Variants in NALF1 observed in about 807,000 individuals in gnomAD.
NALF1 encodes the protein NALCN channel auxiliary factor 1.
In NALF1, 3 loss-of-function variants were observed where a neutral mutation model predicts 48.4. The ratio of observed to expected loss-of-function variants is 0.06; its 90% CI spans 0.03 to 0.16. NALF1 has a LOEUF of 0.16. NALF1 is among the 10% of genes least tolerant of loss of function. The pLI, the probability that NALF1 is intolerant of heterozygous loss-of-function variation, is 1.00. For synonymous variants in NALF1, 262 were observed against 245.7 expected (o/e 1.07, Z -0.62); for missense variants, 526 against 571.5 (o/e 0.92, Z 0.81).
chr13:107,638,734 C>T (rs533878785), intron 1 of NALF1, among the ~76,000 whole-genome samples: 1 of 152,230 alleles, frequency 6.6e-6, no homozygotes, highest in South Asian at 2.1e-4. Context: ...ATTCAGAAGA[C>T]AGCTATCTGA....
chr13:107,384,312 A>C (rs1293729360), intron 1 of NALF1, among the ~76,000 whole-genome samples: 4 of 152,280 alleles, frequency 2.6e-5, no homozygotes, highest in African/African-American at 9.6e-5. Context: ...CCTGCTCTGT[A>C]TTAGAACAAG....
At chr13:107,547,506 TA>T (rs1877166346) in intron 1 of NALF1, among the ~76,000 whole-genome samples, 1 of 152,226 alleles carries the variant, frequency 6.6e-6, no homozygotes, top group African/African-American at 2.4e-5. Context: ...CTCTGTAAAG[TA>T]CTTTTCATGG....
chr13:107,449,474 G>T (rs181104914), intron 1 of NALF1, among the ~76,000 whole-genome samples: 129 of 152,258 alleles, frequency 8.5e-4, no homozygotes, highest in African/African-American at 3.0e-3. Flanking sequence ...CGACAAAAGA[G>T]ATTAAAAAGA....
chr13:107,181,275 T>C (rs1474074451), intron 2 of NALF1, among the ~76,000 whole-genome samples: 1 of 151,510 alleles, frequency 6.6e-6, no homozygotes, highest in Non-Finnish European at 1.5e-5. Context: ...AATATTGAAT[T>C]GAATGCCACT....
intron 1 of NALF1, among the ~76,000 whole-genome samples, chr13:107,264,603 C>T (rs377687418): frequency 5.3e-5 from 8 of 152,276 alleles, no homozygotes; most frequent in East Asian, 3.9e-4. Context: ...CAACCTTCAC[C>T]GCAACCCAAC....
intron 1 of NALF1, among the ~76,000 whole-genome samples, chr13:107,386,036 T>C (rs975954154): frequency 2.0e-5 from 3 of 152,198 alleles, no homozygotes; most frequent in Non-Finnish European, 4.4e-5. Flanking sequence ...AAAAACCAGA[T>C]ACTTACCAAT....
chr13:107,266,773 A>C (rs1271029509), intron 1 of NALF1, among the ~76,000 whole-genome samples: 1 of 152,218 alleles, frequency 6.6e-6, no homozygotes, highest in Non-Finnish European at 1.5e-5. Context: ...CACCTATGCA[A>C]ATTATTAACA....
chr13:107,375,154 C>G (rs1883315466), intron 1 of NALF1, among the ~76,000 whole-genome samples: 1 of 152,036 alleles, frequency 6.6e-6, no homozygotes, highest in East Asian at 1.9e-4. Flanking sequence ...AACTATTATC[C>G]AAAGAATAAA....
Position 107,518,537 on chromosome 13 carries a change from GTGTTA to G in NALF1, c.916-307787_916-307783del, listed in dbSNP as rs771603604. On this transcript the variant is annotated intron_variant, in intron 1 of 2. Coordinates refer to ENST00000375915, the MANE Select transcript of NALF1 (RefSeq NM_001080396.3). ...CCTACTCGACTGCTATTTATTGGTT[GTGTTA>G]TGTGTCAGTCAATTTTCTAAGTGCT... is the stretch of plus-strand genomic sequence containing the variant. Among the ~76,000 whole-genome samples, 41 of 152,204 alleles carry G rather than the reference GTGTTA, an allele frequency of 2.7e-4. 1 individual carries two copies. In the East Asian group the frequency reaches 5.4e-3, roughly 20 times the overall value.
At chr13:107,446,000 G>T (rs959179997) in intron 1 of NALF1, among the ~76,000 whole-genome samples, 1 of 151,840 alleles carries the variant, frequency 6.6e-6, no homozygotes, top group Non-Finnish European at 1.5e-5. Context: ...GTGCAGTGGC[G>T]CAATCTTAGT....
intron 1 of NALF1, among the ~76,000 whole-genome samples, chr13:107,356,237 A>C (rs1033713335): frequency 6.6e-6 from 1 of 152,246 alleles, no homozygotes; most frequent in East Asian, 1.9e-4. Flanking sequence ...CACATTTATA[A>C]TTTAGTTCTT....
intron 1 of NALF1, among the ~76,000 whole-genome samples, chr13:107,339,793 TTAACTC>T (rs1228482392): frequency 1.3e-5 from 2 of 152,228 alleles, no homozygotes; most frequent in African/African-American, 4.8e-5. Flanking sequence ...ACTTTCTCCT[TTAACTC>T]TAAATAGATT....
At chr13:107,201,133 C>T (rs773683416) in intron 2 of NALF1, among the ~76,000 whole-genome samples, 3 of 151,918 alleles carry the variant, frequency 2.0e-5, no homozygotes, top group Non-Finnish European at 4.4e-5. Context: ...ATGATATGTG[C>T]ATGTACGTTG....
At chr13:107,377,726 G>A (rs899536566) in intron 1 of NALF1, among the ~76,000 whole-genome samples, 3 of 152,196 alleles carry the variant, frequency 2.0e-5, no homozygotes, top group African/African-American at 7.2e-5. Flanking sequence ...CCTGATTCAT[G>A]TCCCTGGGTC....
chr13:107,428,591 GAAC>G (rs147540654), intron 1 of NALF1, among the ~76,000 whole-genome samples: 2,845 of 152,220 alleles, frequency 0.019, 33 homozygotes, highest in South Asian at 0.029. Context: ...CCAAGCAACA[GAAC>G]AATAGGAAAT....
intron 1 of NALF1, among the ~76,000 whole-genome samples, chr13:107,460,564 A>C (rs1367067878): frequency 2.0e-5 from 3 of 152,212 alleles, no homozygotes; most frequent in Non-Finnish European, 4.4e-5. Context: ...TTCTGTGGTT[A>C]AGAAAAGCAT....
At chr13:107,760,094 T>C (rs1566471591) in intron 1 of NALF1, among the ~76,000 whole-genome samples, 1 of 152,200 alleles carries the variant, frequency 6.6e-6, no homozygotes, top group Non-Finnish European at 1.5e-5. Flanking sequence ...CAACATAAAA[T>C]TCAAGCAAAC....
intron 1 of NALF1, among the ~76,000 whole-genome samples, chr13:107,565,871 G>A (rs1877795863): frequency 6.6e-6 from 1 of 152,056 alleles, no homozygotes; most frequent in African/African-American, 2.4e-5. Context: ...GATTTAACTT[G>A]GAACTCCTAG....
intron 1 of NALF1, among the ~76,000 whole-genome samples, chr13:107,731,172 G>A (rs1333151603): frequency 6.6e-6 from 1 of 152,130 alleles, no homozygotes; most frequent in African/African-American, 2.4e-5. Flanking sequence ...ACAAGATGTG[G>A]AAGGAATCTT....
Sources: allele counts gnomAD v4.1 joint callset (sites outside exome capture counted in the v4.1 genomes callset), GRCh38; gene constraint gnomAD v4.1.1; transcripts MANE v1.5; gene names NCBI Gene and HGNC (gene_info 2026-07-23, HGNC 2026-07-21).